MGAT4C: variants seen among roughly 807,000 people sequenced by gnomAD.
MGAT4C encodes the protein MGAT4 family member C.
A neutral mutation model predicts 40.1 loss-of-function variants in MGAT4C; 19 were observed. The ratio of observed to expected loss-of-function variants is 0.47; its 90% CI spans 0.33 to 0.70. The LOEUF is 0.70. MGAT4C is among the 30% of genes least tolerant of loss of function. The pLI is 0.02. For synonymous variants in MGAT4C, 181 were observed against 187.1 expected, an observed-to-expected ratio of 0.97 and a Z score of 0.27; for missense variants, 491 against 563.2, an observed-to-expected ratio of 0.87 and a Z score of 1.30.
At chr12:86,645,136 T>C (rs987352695) in intron 2 of MGAT4C, among the ~76,000 whole-genome samples, 2 of 151,574 alleles carry the variant, frequency 1.3e-5, no homozygotes, top group African/African-American at 4.8e-5. Flanking sequence ...TCTGTGTTCA[T>C]AGCTGAAAAA....
intron 1 of MGAT4C, among the ~76,000 whole-genome samples, chr12:86,237,363 G>A (rs1262581946): frequency 6.6e-6 from 1 of 151,542 alleles, no homozygotes; most frequent in Admixed American, 6.6e-5. Flanking sequence ...GCAATTAAAG[G>A]GGAAAATGTG....
chr12:86,765,320 AG>A (rs1423810152), intron 1 of MGAT4C, among the ~76,000 whole-genome samples: 1 of 152,190 alleles, frequency 6.6e-6, no homozygotes, highest in African/African-American at 2.4e-5. Context: ...TAGAGAAAAA[AG>A]AATAAAAAGA....
At chr12:86,765,198 C>A (rs932988608) in intron 1 of MGAT4C, among the ~76,000 whole-genome samples, 1 of 152,110 alleles carries the variant, frequency 6.6e-6, no homozygotes, top group Non-Finnish European at 1.5e-5. Flanking sequence ...AAAGCCAAGG[C>A]TCGAGAACTA....
chr12:86,770,550 A>T (rs1951614195), intron 1 of MGAT4C, among the ~76,000 whole-genome samples: 1 of 152,084 alleles, frequency 6.6e-6, no homozygotes, highest in East Asian at 1.9e-4. Context: ...AGAATTGCAG[A>T]AGGAAGTTAA....
intron 3 of MGAT4C, among the ~76,000 whole-genome samples, chr12:86,358,462 A>T (rs970421849): frequency 7.2e-5 from 11 of 152,192 alleles, no homozygotes; most frequent in Non-Finnish European, 7.3e-5. Flanking sequence ...GACAGGATCA[A>T]ATTCACACAT....
At chr12:86,160,321 T>C (rs1467108711) in intron 1 of MGAT4C, among the ~76,000 whole-genome samples, 1 of 152,098 alleles carries the variant, frequency 6.6e-6, no homozygotes, top group Non-Finnish European at 1.5e-5. Context: ...GCAAGCTGTT[T>C]AATTTCCATG....
intron 4 of MGAT4C, among the ~76,000 whole-genome samples, chr12:86,277,669 T>G (rs1953110171): frequency 6.6e-6 from 1 of 152,206 alleles, no homozygotes; most frequent in Non-Finnish European, 1.5e-5. Flanking sequence ...TACCCAATTG[T>G]GTTCTTGGCA....
At chr12:86,565,291 C>T (rs550244524) in intron 2 of MGAT4C, among the ~76,000 whole-genome samples, 1 of 152,272 alleles carries the variant, frequency 6.6e-6, no homozygotes, top group South Asian at 2.1e-4. Context: ...TGCCCATGGT[C>T]CCCACTCCTA....
chr12:86,568,268 G>A (rs1960216260), intron 2 of MGAT4C, among the ~76,000 whole-genome samples: 1 of 152,006 alleles, frequency 6.6e-6, no homozygotes, highest in African/African-American at 2.4e-5. Flanking sequence ...AGAGGAAGGT[G>A]GAAAGAGCAG....
At chr12:86,257,390 C>T (rs1952552328), upstream of MGAT4C, among the ~76,000 whole-genome samples, 1 of 152,224 alleles carries the variant, frequency 6.6e-6, no homozygotes, top group South Asian at 2.1e-4. Context: ...ATTACCAGAG[C>T]TATTCAATGA....
At chr12:86,508,237 C>T (rs147308244) in intron 2 of MGAT4C, among the ~76,000 whole-genome samples, 1,878 of 151,868 alleles carry the variant, frequency 0.012, 11 homozygotes, top group Middle Eastern at 0.017. Context: ...GTCCCCAGAG[C>T]GTGACGTTCC....
intron 3 of MGAT4C, among the ~76,000 whole-genome samples, chr12:85,987,518 T>C (rs917626969): frequency 6.6e-6 from 1 of 152,174 alleles, no homozygotes; most frequent in Non-Finnish European, 1.5e-5. Context: ...ATATTCCTAA[T>C]ATAATCACAG....
chr12:86,794,629 A>C (rs1035604988), intron 1 of MGAT4C, among the ~76,000 whole-genome samples: 1 of 151,914 alleles, frequency 6.6e-6, no homozygotes, highest in Admixed American at 6.6e-5. Context: ...AAGAGGAATA[A>C]TATTATTATC....
At chr12:86,633,004 TGCATA>T (rs1358608323) in intron 2 of MGAT4C, among the ~76,000 whole-genome samples, 1 of 152,044 alleles carries the variant, frequency 6.6e-6, no homozygotes, top group Non-Finnish European at 1.5e-5. Context: ...GGTACTATAT[TGCATA>T]GCATAAGTGT....
Position 85,989,566 on chromosome 12 carries a change from A to G in MGAT4C, c.-6-14T>C, listed in dbSNP as rs752371724. 1.9e-6 allele frequency: 3 copies of G among 1,573,046 alleles called. No individual in the cohort carries two copies. In the Admixed American group the frequency reaches 5.5e-5, roughly 29 times the overall value. On this transcript the variant is annotated splice_polypyrimidine_tract_variant and intron_variant, in intron 2 of 4. Transcript: ENST00000611864. ...AAACATTCTCTTCTGTGGAAAAGAGACACAGAATTACTAGCAGTTGGTTTT... is the reference window on the plus strand; with the variant it reads ...AAACATTCTCTTCTGTGGAAAAGAGGCACAGAATTACTAGCAGTTGGTTTT...
intron 1 of MGAT4C, among the ~76,000 whole-genome samples, chr12:86,145,754 AG>A (rs1201562881): frequency 2.6e-5 from 4 of 152,232 alleles, no homozygotes; most frequent in Non-Finnish European, 5.9e-5. Context: ...GATGTAAAAA[AG>A]AATGAAAATT....
At chr12:86,642,612 G>T (rs1488863794) in intron 2 of MGAT4C, among the ~76,000 whole-genome samples, 3 of 151,806 alleles carry the variant, frequency 2.0e-5, no homozygotes, top group Admixed American at 1.3e-4. Flanking sequence ...AAGGAGTCAC[G>T]AGACTAGGTT....
At chr12:86,130,188 A>G (rs1181012673) in intron 1 of MGAT4C, among the ~76,000 whole-genome samples, 1 of 152,214 alleles carries the variant, frequency 6.6e-6, no homozygotes, top group Non-Finnish European at 1.5e-5. Context: ...TTTTCATCAA[A>G]AATATAAACA....
intron 4 of MGAT4C, among the ~76,000 whole-genome samples, chr12:86,307,625 A>G (rs1953968641): frequency 6.6e-6 from 1 of 150,508 alleles, no homozygotes; most frequent in South Asian, 2.1e-4. Context: ...CATCTTGCCC[A>G]CATTTATTTT....
Sources: allele counts gnomAD v4.1 joint callset (sites outside exome capture counted in the v4.1 genomes callset), GRCh38; gene constraint gnomAD v4.1.1; transcripts MANE v1.5; gene names NCBI Gene and HGNC (gene_info 2026-07-23, HGNC 2026-07-21).